The following RNF214 variants were observed in gnomAD, a reference collection of about 807,000 sequenced individuals.
The protein encoded by RNF214 is ring finger protein 214.
RNF214 carries 25 observed loss-of-function variants against 75.9 expected under a neutral mutation model. The ratio of observed to expected loss-of-function variants is 0.33; its 90% CI spans 0.24 to 0.46. The LOEUF is 0.46. Ranked by LOEUF, RNF214 falls within the 20% of genes least tolerant of loss-of-function variation. The pLI, the probability that RNF214 is intolerant of heterozygous loss-of-function variation, is 1.00. For synonymous variants in RNF214, 314 were observed against 308.8 expected (o/e 1.02, Z -0.18); for missense variants, 725 against 857.5 (o/e 0.85, Z 1.93).
chr11:117,282,335 G>A (rs1022637255), intron 11 of RNF214, 65 bp downstream of exon 11: 4 of 1,592,250 alleles, frequency 2.5e-6, no homozygotes, highest in Non-Finnish European at 3.4e-6. Flanking sequence ...TTAAAACAGA[G>A]GAGGTTACAT....
chr11:117,245,687 C>T (rs988697975), intron 5 of RNF214, among the ~76,000 whole-genome samples: 2 of 152,100 alleles, frequency 1.3e-5, no homozygotes, highest in African/African-American at 4.8e-5. Flanking sequence ...TTAGATACAT[C>T]CATATGTTAT....
intron 14 of RNF214, among the ~76,000 whole-genome samples, chr11:117,284,502 G>A (rs894653363): frequency 6.6e-6 from 1 of 152,244 alleles, no homozygotes; most frequent in East Asian, 1.9e-4. Context: ...GGATCCTAAG[G>A]GGGAGCAAGC....
At position 117,242,557 on chromosome 11, in the gene RNF214, T is replaced by G. The variant is rs112881657; in HGVS notation, c.679-1888T>G. ...GGTGGTAGTGAGGTCCACATGCTTTTAAAAAGGCAGTGAGGCCGGGTGCAG... is the reference window on the plus strand; with the variant it reads ...GGTGGTAGTGAGGTCCACATGCTTTGAAAAAGGCAGTGAGGCCGGGTGCAG... On this transcript the variant is annotated intron_variant, in intron 4 of 14. Coordinates refer to ENST00000300650, the MANE Select transcript of RNF214 (RefSeq NM_207343.4). Among the ~76,000 whole-genome samples the G allele has an allele frequency of 6.7e-3, 1,015 of 152,218 alleles. 17 individuals are homozygous for G. The highest frequency in any genetic ancestry group is 0.024 in the African/African-American group (979 of 41,538).
At position 117,245,020 on chromosome 11, in the gene RNF214, T is replaced by C. The variant is rs535582639; in HGVS notation, c.819+435T>C. On this transcript the variant is annotated intron_variant, in intron 5 of 14. Transcript: ENST00000300650. The stretch of plus-strand genomic sequence containing the variant: ...AACTTTAATTTTATTTTTGAGTTAA[T>C]TGAAATAAAAAGGCAAGGCGGGGTG... Among the ~76,000 whole-genome samples the C allele has an allele frequency of 4.2e-4, 64 of 151,652 alleles. No homozygotes were observed. The South Asian group carries it at 9.4e-3, about 22-fold the overall frequency.
At chr11:117,279,323 CTTTTTT>C (rs34196418) in intron 6 of RNF214, among the ~76,000 whole-genome samples, 2 of 104,340 alleles carry the variant, frequency 1.9e-5, no homozygotes, top group Admixed American at 1.9e-4. Context: ...GAGATACAAA[CTTTTTT>C]TTTTTTTTTT....
chr11:117,285,108 C>A lies in RNF214; in HGVS notation c.2069C>A (p.Thr690Asn). 6.2e-7 allele frequency: 1 copy of A among 1,612,764 alleles called. No homozygotes were observed. The highest frequency in any genetic ancestry group is 8.5e-7 in the Non-Finnish European group (1 of 1,178,860). The change falls in exon 15 of 15, where the codon ACC becomes AAC. Residue 690 changes from threonine (T) to asparagine (N), a missense_variant. Thr to Asn is a moderately conservative substitution (Grantham distance 65). Transcript: ENST00000300650. The part of the protein sequence containing the change: ...HKECIKFWAQ[T>N]NTNDTCPFCP... ...CAGTGTATCAAATTCTGGGCCCAGA[C>A]CAACACAAATGACACTTGTCCCTTT...
rs1047964 is a variant in RNF214, at chr11:117,286,177, G to C, written c.*1026G>C. ...TTAATTTTTGAAGCAAGAAAGTTAG[G>C]GGGGGACATATTTCCTGTCCTGGGA... On this transcript the variant is annotated 3_prime_UTR_variant, in exon 15 of 15. Transcript: ENST00000300650. 8,118 of 152,664 alleles carry C rather than the reference G, an allele frequency of 0.053. 222 individuals carry two copies. The highest frequency in any genetic ancestry group is 0.099 in the Middle Eastern group (29 of 294). The allele number at this position is 152,664 out of a possible 1,614,324, so 9.5% of individuals were successfully genotyped here.
intron 4 of RNF214, among the ~76,000 whole-genome samples, chr11:117,241,554 T>C (rs548447270): frequency 6.7e-6 from 1 of 148,358 alleles, no homozygotes; most frequent in African/African-American, 2.5e-5. Context: ...CACTCCAGCC[T>C]GGTGACAGAG....
chr11:117,260,079 T>C (rs1441964742), intron 6 of RNF214, among the ~76,000 whole-genome samples: 1 of 136,280 alleles, frequency 7.3e-6, no homozygotes, highest in African/African-American at 3.0e-5. Context: ...ATTCTTTGAT[T>C]TTTTTTTTTT....
chr11:117,258,164 G>T (rs2033568432), intron 6 of RNF214, among the ~76,000 whole-genome samples: 1 of 151,798 alleles, frequency 6.6e-6, no homozygotes, highest in African/African-American at 2.4e-5. Flanking sequence ...TGCCTTCCAG[G>T]TTCAAGCAAT....
chr11:117,283,684 A>G (rs984575487), intron 14 of RNF214, among the ~76,000 whole-genome samples: 3 of 151,466 alleles, frequency 2.0e-5, no homozygotes, highest in African/African-American at 7.3e-5. Flanking sequence ...TTTTTGAGAT[A>G]GGGTTTCTTT....
rs1005758214 is a variant in RNF214 at position 117,263,350 on chromosome 11, A to G, written c.959+16402A>G. On this transcript the variant is annotated intron_variant, in intron 6 of 14. Transcript: ENST00000300650. ...GAGTGCAGTGGTGCAGTCTCGGCTCACTGCAACCTCCGCCTACTGGGTGCA... is the reference window on the plus strand; with the variant it reads ...GAGTGCAGTGGTGCAGTCTCGGCTCGCTGCAACCTCCGCCTACTGGGTGCA... Among the ~76,000 whole-genome samples the G allele has an allele frequency of 3.3e-5, 5 of 150,502 alleles. No individual in the cohort carries two copies. The East Asian group carries it at 7.9e-4, about 24-fold the overall frequency.
intron 14 of RNF214, 51 bp downstream of exon 14, chr11:117,283,261 A>G: frequency 8.0e-7 from 1 of 1,249,542 alleles, no homozygotes; most frequent in South Asian, 1.3e-5. Flanking sequence ...TCTGACAGCT[A>G]AAATAATTTT....
intron 6 of RNF214, among the ~76,000 whole-genome samples, chr11:117,272,438 G>A (rs1342021318): frequency 6.6e-6 from 1 of 152,098 alleles, no homozygotes; most frequent in South Asian, 2.1e-4. Context: ...GTCAGTTGGG[G>A]GGGTAGGGAG....
intron 5 of RNF214, among the ~76,000 whole-genome samples, chr11:117,246,330 T>C (rs185836703): frequency 6.6e-6 from 1 of 151,376 alleles, no homozygotes; most frequent in African/African-American, 2.4e-5. Context: ...TGTGTGTATA[T>C]GTGTGTGTGT....
At chr11:117,272,177 C>T (rs1471340748) in intron 6 of RNF214, among the ~76,000 whole-genome samples, 1 of 152,058 alleles carries the variant, frequency 6.6e-6, no homozygotes, top group South Asian at 2.1e-4. Context: ...AGTGAGCTTA[C>T]GATTGTGCCA....
rs1591814230 is a variant in RNF214, at chr11:117,234,599, G to C, written c.107+220G>C. ...GGGAATAAATAGAATAGAATACATG[G>C]GGTCAAACTCATTAAAAAATGCAAA... On this transcript the variant is annotated intron_variant, in intron 2 of 14. Coordinates refer to ENST00000300650, the MANE Select transcript of RNF214 (RefSeq NM_207343.4). 2.0e-5 allele frequency among the ~76,000 whole-genome samples: 3 copies of C among 152,276 alleles called. No homozygotes were observed. The South Asian group carries it at 6.2e-4, about 32-fold the overall frequency.
At position 117,270,493 on chromosome 11, in the gene RNF214, A is replaced by G. The variant is rs547129105; in HGVS notation, c.960-9415A>G. Among the ~76,000 whole-genome samples the G allele has an allele frequency of 3.0e-3, 459 of 151,828 alleles. 3 individuals are homozygous for G. Among genetic ancestry groups the G allele is most frequent in the African/African-American group, 0.01 (426 of 41,420 alleles). On this transcript the variant is annotated intron_variant, in intron 6 of 14. Coordinates refer to ENST00000300650, the MANE Select transcript of RNF214 (RefSeq NM_207343.4). ...GTCACCCAGGCTGGAGTGCAGTGGCACGATGTGGGCTCACTGCAACCTCCA... is the reference window on the plus strand; with the variant it reads ...GTCACCCAGGCTGGAGTGCAGTGGCGCGATGTGGGCTCACTGCAACCTCCA...
intron 2 of RNF214, among the ~76,000 whole-genome samples, chr11:117,235,384 A>G (rs60458304): frequency 0.021 from 3,217 of 151,726 alleles, 128 homozygotes; most frequent in African/African-American, 0.073. Context: ...TTTTAGTAGA[A>G]ACGGGGTTTC....
Sources: allele counts gnomAD v4.1 joint callset (sites outside exome capture counted in the v4.1 genomes callset), GRCh38; gene constraint gnomAD v4.1.1; transcripts MANE v1.5; gene names NCBI Gene and HGNC (gene_info 2026-07-23, HGNC 2026-07-21).